HS6ST3: variants seen among roughly 807,000 people sequenced by gnomAD.
HS6ST3 encodes heparan-sulfate 6-O-sulfotransferase 3.
Under a neutral mutation model 36.7 loss-of-function variants are expected in HS6ST3, and 12 were observed. The observed-to-expected ratio is 0.33, with a 90% CI of 0.21 to 0.53. HS6ST3 has a LOEUF of 0.53. Ranked by LOEUF, HS6ST3 falls within the 20% of genes least tolerant of loss-of-function variation. The probability of loss-of-function intolerance (pLI) is 0.95; values close to 1 mark genes in which losing one functional copy is unlikely to be tolerated. For synonymous variants in HS6ST3, 240 were observed against 257.5 expected, an observed-to-expected ratio of 0.93 and a Z score of 0.65; for missense variants, 584 against 640.9, an observed-to-expected ratio of 0.91 and a Z score of 0.96.
At chr13:96,155,360 C>T (rs2054105576) in intron 1 of HS6ST3, among the ~76,000 whole-genome samples, 1 of 151,830 alleles carries the variant, frequency 6.6e-6, no homozygotes, top group African/African-American at 2.4e-5. Flanking sequence ...AACAGCTTTT[C>T]TCATTGAGAT....
intron 1 of HS6ST3, among the ~76,000 whole-genome samples, chr13:96,485,478 T>C (rs570130705): frequency 6.6e-6 from 1 of 152,266 alleles, no homozygotes; most frequent in East Asian, 1.9e-4. Flanking sequence ...TTCAGGAGAT[T>C]TTTGTTAAAT....
intron 1 of HS6ST3, among the ~76,000 whole-genome samples, chr13:96,147,300 C>G (rs2054062861): frequency 6.6e-6 from 1 of 152,184 alleles, no homozygotes; most frequent in South Asian, 2.1e-4. Flanking sequence ...CCAAATCACT[C>G]AAATCACAGC....
intron 1 of HS6ST3, among the ~76,000 whole-genome samples, chr13:96,131,176 T>C (rs2053973808): frequency 6.6e-6 from 1 of 152,198 alleles, no homozygotes; most frequent in African/African-American, 2.4e-5. Flanking sequence ...GAAGGTCAAA[T>C]CTTCACATCT....
chr13:96,234,491 A>G (rs188721391), intron 1 of HS6ST3, among the ~76,000 whole-genome samples: 11 of 152,350 alleles, frequency 7.2e-5, no homozygotes, highest in Admixed American at 6.5e-4. Flanking sequence ...AAAGAAAAAG[A>G]GATTTAATAG....
intron 1 of HS6ST3, among the ~76,000 whole-genome samples, chr13:96,427,968 G>A (rs942950657): frequency 6.6e-6 from 1 of 152,152 alleles, no homozygotes; most frequent in Non-Finnish European, 1.5e-5. Flanking sequence ...CAATACCATA[G>A]AAGTAATGTA....
chr13:96,127,201 A>G (rs1327098890), intron 1 of HS6ST3, among the ~76,000 whole-genome samples: 1 of 152,194 alleles, frequency 6.6e-6, no homozygotes, highest in Non-Finnish European at 1.5e-5. Flanking sequence ...GTTGGCTACT[A>G]TGCTAATTCC....
At chr13:96,419,547 G>A (rs1000521448) in intron 1 of HS6ST3, among the ~76,000 whole-genome samples, 1 of 152,188 alleles carries the variant, frequency 6.6e-6, no homozygotes, top group Non-Finnish European at 1.5e-5. Flanking sequence ...GTATAAAAGA[G>A]TATATTTGTT....
At chr13:96,815,379 C>T (rs1878398079) in intron 1 of HS6ST3, among the ~76,000 whole-genome samples, 1 of 152,178 alleles carries the variant, frequency 6.6e-6, no homozygotes, top group African/African-American at 2.4e-5. Flanking sequence ...TGATTTTCTG[C>T]AAAGACCCTA....
chr13:96,571,167 G>A (rs2056299721), intron 1 of HS6ST3, among the ~76,000 whole-genome samples: 1 of 152,192 alleles, frequency 6.6e-6, no homozygotes, highest in South Asian at 2.1e-4. Context: ...TTCACAGCAT[G>A]ATTTATAGTT....
At chr13:96,690,134 T>C (rs772915241) in intron 1 of HS6ST3, among the ~76,000 whole-genome samples, 15 of 152,190 alleles carry the variant, frequency 9.9e-5, no homozygotes, top group Non-Finnish European at 2.2e-4. Flanking sequence ...ACCATCCCAT[T>C]CCTACAACAT....
At chr13:96,568,879 A>T (rs2056291152) in intron 1 of HS6ST3, among the ~76,000 whole-genome samples, 1 of 152,208 alleles carries the variant, frequency 6.6e-6, no homozygotes, top group Non-Finnish European at 1.5e-5. Context: ...CTTCAAGAAT[A>T]AGCTAAGTGT....
intron 1 of HS6ST3, among the ~76,000 whole-genome samples, chr13:96,379,544 G>T (rs1400127423): frequency 6.6e-6 from 1 of 152,186 alleles, no homozygotes; most frequent in Non-Finnish European, 1.5e-5. Context: ...CCCAATCTAT[G>T]GGTATCTTGT....
chr13:96,737,336 A>T (rs1420614298), intron 1 of HS6ST3, among the ~76,000 whole-genome samples: 2 of 152,184 alleles, frequency 1.3e-5, no homozygotes, highest in Admixed American at 1.3e-4. Context: ...TATAAAAGAG[A>T]TTATTTTGGC....
At chr13:96,482,923 T>C (rs2055896622) in intron 1 of HS6ST3, among the ~76,000 whole-genome samples, 1 of 152,248 alleles carries the variant, frequency 6.6e-6, no homozygotes, top group Non-Finnish European at 1.5e-5. Flanking sequence ...CTAATGTTAC[T>C]TTTAGCATGT....
rs184839399 is a variant in HS6ST3 at position 96,407,282 on chromosome 13, A to T, written c.707+315713A>T. On this transcript the variant is annotated intron_variant, in intron 1 of 1. Transcript: ENST00000376705. Reference sequence around the variant, plus strand: ...ATCCCTTCAGTGGTCAATGATTCTTACATCCTTATATAGTTCTTCAGGCAG... The same window carrying T: ...ATCCCTTCAGTGGTCAATGATTCTTTCATCCTTATATAGTTCTTCAGGCAG... Among the ~76,000 whole-genome samples, 469 of 152,334 alleles carry T rather than the reference A, an allele frequency of 3.1e-3. 3 individuals carry two copies. Among genetic ancestry groups the T allele is most frequent in the Middle Eastern group, 6.8e-3 (2 of 294 alleles).
rs1594857524 is a variant in HS6ST3, at chr13:96,776,174, G to A, written c.708-56316G>A. On this transcript the variant is annotated intron_variant, in intron 1 of 1. Coordinates refer to ENST00000376705, the MANE Select transcript of HS6ST3 (RefSeq NM_153456.4). The stretch of plus-strand genomic sequence containing the variant: ...AAAGACACAACATACCAGAATCTCT[G>A]GGATGCAGCTAAAGTAGTGTTTAGA... 2.0e-5 allele frequency among the ~76,000 whole-genome samples: 3 copies of A among 152,072 alleles called. No individual in the cohort carries two copies. In the East Asian group the frequency reaches 5.8e-4, roughly 29 times the overall value.
intron 1 of HS6ST3, among the ~76,000 whole-genome samples, chr13:96,594,035 C>T (rs1027224443): frequency 3.9e-5 from 6 of 151,954 alleles, no homozygotes; most frequent in South Asian, 2.1e-4. Flanking sequence ...CAGCTCACCG[C>T]GATCTCAGCT....
chr13:96,564,245 A>G (rs1256288056), intron 1 of HS6ST3, among the ~76,000 whole-genome samples: 1 of 152,172 alleles, frequency 6.6e-6, no homozygotes, highest in Non-Finnish European at 1.5e-5. Flanking sequence ...TTTGCTTGGG[A>G]AAAACTCAGA....
chr13:96,691,050 A>G lies in HS6ST3; in HGVS notation c.708-141440A>G, dbSNP rs543659996. ...TTACTATGTCTGCACAATGGCAAAT[A>G]TTACATCAGAGAGTAATAAATCAAA... On this transcript the variant is annotated intron_variant, in intron 1 of 1. Coordinates refer to ENST00000376705, the MANE Select transcript of HS6ST3 (RefSeq NM_153456.4). 5.9e-5 allele frequency among the ~76,000 whole-genome samples: 9 copies of G among 152,236 alleles called. No individual in the cohort carries two copies. The South Asian group carries it at 6.2e-4, about 11-fold the overall frequency.
Sources: allele counts gnomAD v4.1 joint callset (sites outside exome capture counted in the v4.1 genomes callset), GRCh38; gene constraint gnomAD v4.1.1; transcripts MANE v1.5; gene names NCBI Gene and HGNC (gene_info 2026-07-23, HGNC 2026-07-21).